Variants in ZDHHC13 observed in about 807,000 individuals in gnomAD.
The protein encoded by ZDHHC13 is palmitoyltransferase ZDHHC13.
Under a neutral mutation model 86.0 loss-of-function variants are expected in ZDHHC13, and 85 were observed. The observed-to-expected ratio is 0.99, with a 90% CI of 0.83 to 1.18. ZDHHC13 has a LOEUF of 1.18. Among genes scored for constraint, ZDHHC13 ranks in the 50% most tolerant of loss-of-function variants. The pLI is 0.00. For missense variants in ZDHHC13, 711 were observed against 730.2 expected (o/e 0.97, Z 0.30); for synonymous variants, 263 against 246.4 (o/e 1.07, Z -0.63).
intron 10 of ZDHHC13, among the ~76,000 whole-genome samples, chr11:19,159,872 C>T (rs540517687): frequency 2.0e-4 from 31 of 151,996 alleles, no homozygotes; most frequent in African/African-American, 7.5e-4. Flanking sequence ...AATCTTCCCA[C>T]CTCTTGCCAG....
At chr11:19,163,221 G>A in intron 10 of ZDHHC13, 82 bp from the exon 11 acceptor site, 1 of 1,428,030 alleles carries the variant, frequency 7.0e-7, no homozygotes, top group Non-Finnish European at 9.3e-7. Context: ...GAGATTCTTA[G>A]GTGCCAATGA....
chr11:19,130,286 G>A (rs1436005563), intron 1 of ZDHHC13, among the ~76,000 whole-genome samples: 3 of 152,282 alleles, frequency 2.0e-5, no homozygotes, highest in East Asian at 1.9e-4. Flanking sequence ...TTTTGATAAT[G>A]TGTGTCTTTT....
intron 1 of ZDHHC13, among the ~76,000 whole-genome samples, chr11:19,127,020 G>A (rs1430349162): frequency 2.0e-5 from 3 of 152,128 alleles, no homozygotes; most frequent in Non-Finnish European, 2.9e-5. Context: ...CTTTTAGCTC[G>A]TTGAGGAATC....
intron 2 of ZDHHC13, among the ~76,000 whole-genome samples, chr11:19,145,956 A>G (rs1453640682): frequency 6.6e-6 from 1 of 152,218 alleles, no homozygotes; most frequent in African/African-American, 2.4e-5. Context: ...TAAGAAAGTC[A>G]AGTTCAACTC....
chr11:19,160,543 A>G (rs1849881297), intron 10 of ZDHHC13, among the ~76,000 whole-genome samples: 1 of 151,966 alleles, frequency 6.6e-6, no homozygotes, highest in Admixed American at 6.6e-5. Context: ...ATTTTTGTTT[A>G]CCAATCCATA....
At chr11:19,137,487 T>C (rs1214958451) in intron 1 of ZDHHC13, among the ~76,000 whole-genome samples, 3 of 151,692 alleles carry the variant, frequency 2.0e-5, no homozygotes, top group African/African-American at 7.2e-5. Context: ...AACACCCCAC[T>C]GTCAACATTA....
At chr11:19,164,171 G>T (rs1849989997) in intron 11 of ZDHHC13, 130 bp from the exon 12 acceptor site, 1 of 805,064 alleles carries the variant, frequency 1.2e-6, no homozygotes, top group Non-Finnish European at 1.9e-6. Context: ...AGAATGATTT[G>T]GTGGCAAGTA....
intron 14 of ZDHHC13, chr11:19,170,001 C>T (rs1264913629): frequency 3.0e-6 from 3 of 1,003,924 alleles, no homozygotes; most frequent in Middle Eastern, 5.0e-4. Flanking sequence ...ACAGCAATGG[C>T]CTGTTCATCT....
At chr11:19,169,217 T>C in intron 14 of ZDHHC13, 1 of 985,456 alleles carries the variant, frequency 1.0e-6, no homozygotes, top group Non-Finnish European at 1.2e-6. Flanking sequence ...ACAGCTGTTT[T>C]CTCCACCTAC....
intron 1 of ZDHHC13, among the ~76,000 whole-genome samples, chr11:19,135,770 C>T (rs1167590635): frequency 6.6e-6 from 1 of 152,252 alleles, no homozygotes; most frequent in Admixed American, 6.5e-5. Context: ...TGACCTCTGA[C>T]CCTTGAGCAG....
rs1236528933 is a variant in ZDHHC13, at chr11:19,149,225, A to G, written c.413A>G (p.His138Arg). ...CCTATGGTCATATTATTACTCCAGC[A>G]TGGTGCAGACCCCACTCTTATTGAT... ...HLPMVILLLQ[H>R]GADPTLIDGE... Residue 138 changes from histidine (H) to arginine (R), a missense_variant, in exon 5 of 17, where the codon CAT (histidine) becomes CGT (arginine). Transcript: ENST00000446113. 4.4e-6 allele frequency: 7 copies of G among 1,602,346 alleles called. No homozygotes were observed. Among genetic ancestry groups the G allele is most frequent in the Non-Finnish European group, 6.0e-6 (7 of 1,173,036 alleles).
At chr11:19,170,038 G>A in intron 14 of ZDHHC13, 1 of 1,038,012 alleles carries the variant, frequency 9.6e-7, no homozygotes, top group African/African-American at 1.7e-5. Context: ...TTTATATTCA[G>A]TCCTGTAATA....
intron 1 of ZDHHC13, among the ~76,000 whole-genome samples, chr11:19,134,769 A>C (rs1174678373): frequency 6.6e-6 from 1 of 152,182 alleles, no homozygotes; most frequent in Non-Finnish European, 1.5e-5. Context: ...TGACAGGTTG[A>C]TGGGTGCAGC....
chr11:19,146,118 G>A (rs1408454240), intron 2 of ZDHHC13, 63 bp from the exon 3 acceptor site: 8 of 1,481,582 alleles, frequency 5.4e-6, no homozygotes, highest in Non-Finnish European at 7.2e-6. Context: ...GTAAAGTGAA[G>A]AAATTTTGAT....
At chr11:19,163,564 C>A in intron 11 of ZDHHC13, 137 bp downstream of exon 11, 1 of 920,734 alleles carries the variant, frequency 1.1e-6, no homozygotes, top group Non-Finnish European at 1.4e-6. Flanking sequence ...ATTAGATTTC[C>A]ACTCTTACAG....
intron 1 of ZDHHC13, among the ~76,000 whole-genome samples, chr11:19,139,640 C>A (rs1315109500): frequency 6.6e-6 from 1 of 151,660 alleles, no homozygotes; most frequent in Non-Finnish European, 1.5e-5. Context: ...AAGCTGGAGG[C>A]ATCACACTGC....
At chr11:19,150,689 G>A (rs1323911499) in intron 5 of ZDHHC13, 38 bp from the exon 6 acceptor site, 3 of 1,544,270 alleles carry the variant, frequency 1.9e-6, no homozygotes, top group Admixed American at 1.7e-5. Flanking sequence ...ACTTTTGAGT[G>A]TATTTACAGT....
At chr11:19,171,558 C>T (rs559735111) in intron 15 of ZDHHC13, among the ~76,000 whole-genome samples, 64 of 152,278 alleles carry the variant, frequency 4.2e-4, no homozygotes, top group African/African-American at 1.5e-3. Context: ...GAACATTCCT[C>T]TCACTCTCCT....
In ZDHHC13 at chr11:19,117,522, G is replaced by T. The variant is rs1243898296; in HGVS notation, c.27+246G>T. Among the ~76,000 whole-genome samples the T allele has an allele frequency of 6.6e-6, 1 of 152,120 alleles. No homozygotes were observed. The highest frequency in any genetic ancestry group is 1.9e-4 in the East Asian group (1 of 5,156). ...CCGGCCCCTCCAGCCTCCATCCCTGGCCAGGGCGCCCCCTGGGGCCGGTAC... is the reference window on the plus strand; with the variant it reads ...CCGGCCCCTCCAGCCTCCATCCCTGTCCAGGGCGCCCCCTGGGGCCGGTAC... On this transcript the variant is annotated intron_variant, in intron 1 of 16. Coordinates refer to ENST00000446113, the MANE Select transcript of ZDHHC13 (RefSeq NM_019028.3). The surrounding 1 kb of genome is among the most constrained non-coding windows in gnomAD (Gnocchi z 4.2).
Sources: allele counts gnomAD v4.1 joint callset (sites outside exome capture counted in the v4.1 genomes callset), GRCh38; gene constraint gnomAD v4.1.1; non-coding constraint Gnocchi (gnomAD v3.1); transcripts MANE v1.5; gene names NCBI Gene and HGNC (gene_info 2026-07-23, HGNC 2026-07-21).